The following OPRD1 variants were observed in gnomAD, a reference collection of about 807,000 sequenced individuals.
OPRD1 encodes opioid receptor delta 1, also known as delta-type opioid receptor.
A neutral mutation model predicts 17.5 loss-of-function variants in OPRD1; 19 were observed. The ratio of observed to expected loss-of-function variants is 1.09; its 90% CI spans 0.76 to 1.60. The LOEUF (loss-of-function observed/expected upper bound fraction) is 1.60. OPRD1 is among the 40% of genes most tolerant of loss of function. OPRD1 has a pLI of 0.00. For missense variants in OPRD1, 483 were observed against 547.2 expected, an observed-to-expected ratio of 0.88 and a Z score of 1.17; for synonymous variants, 256 against 240.9, an observed-to-expected ratio of 1.06 and a Z score of -0.58.
intron 1 of OPRD1, among the ~76,000 whole-genome samples, chr1:28,826,061 G>A (rs2088766931): frequency 6.6e-6 from 1 of 152,204 alleles, no homozygotes. Context: ...ATAAGGCTAA[G>A]GCTATAGGCA....
Position 28,821,390 on chromosome 1 carries a change from G to A in OPRD1, c.227+8780G>A, listed in dbSNP as rs192492281. Among the ~76,000 whole-genome samples, 1,396 of 152,254 alleles carry A rather than the reference G, an allele frequency of 9.2e-3. 14 individuals carry two copies. Among genetic ancestry groups the A allele is most frequent in the African/African-American group, 0.029 (1,222 of 41,548 alleles). On this transcript the variant is annotated intron_variant, in intron 1 of 2. Coordinates refer to ENST00000234961, the MANE Select transcript of OPRD1 (RefSeq NM_000911.4). Reference sequence around the variant, plus strand: ...CCCAAAGTTCTGGGATTACAGGCATGAGCCACCGTGCCCAGCTTATTTTTA... The same window carrying A: ...CCCAAAGTTCTGGGATTACAGGCATAAGCCACCGTGCCCAGCTTATTTTTA...
intron 1 of OPRD1, among the ~76,000 whole-genome samples, chr1:28,849,843 G>A (rs903791568): frequency 2.0e-5 from 3 of 151,368 alleles, no homozygotes; most frequent in Non-Finnish European, 4.4e-5. Context: ...GAAGAAGAAA[G>A]GGCACTGGAA....
intron 1 of OPRD1, among the ~76,000 whole-genome samples, chr1:28,826,514 T>C (rs1469175237): frequency 1.3e-5 from 2 of 151,220 alleles, no homozygotes; most frequent in African/African-American, 4.9e-5. Context: ...AGACCCTGTC[T>C]CAAAAAAAAA....
intron 1 of OPRD1, among the ~76,000 whole-genome samples, chr1:28,835,035 G>A (rs1158256455): frequency 6.6e-6 from 1 of 152,204 alleles, no homozygotes; most frequent in Non-Finnish European, 1.5e-5. Flanking sequence ...GTGGGGTAGA[G>A]GGAGTATATC....
intron 1 of OPRD1, among the ~76,000 whole-genome samples, chr1:28,857,259 G>A (rs766853266): frequency 2.0e-5 from 3 of 152,068 alleles, no homozygotes; most frequent in Non-Finnish European, 4.4e-5. Context: ...ATCCTAAGAG[G>A]TTGCTACAAA....
At chr1:28,837,422 G>A (rs1266119275) in intron 1 of OPRD1, among the ~76,000 whole-genome samples, 1 of 152,128 alleles carries the variant, frequency 6.6e-6, no homozygotes, top group Non-Finnish European at 1.5e-5. Context: ...GGCCAAGGCA[G>A]GCAGATCACG....
chr1:28,822,866 A>AG (rs2088727994), intron 1 of OPRD1, among the ~76,000 whole-genome samples: 1 of 152,158 alleles, frequency 6.6e-6, no homozygotes, highest in Non-Finnish European at 1.5e-5. Flanking sequence ...TTTGAGAGGC[A>AG]GGGGGCTGTG....
chr1:28,866,468 C>T lies in OPRD1; in HGVS notation c.*3185C>T, dbSNP rs921606145. 3.9e-5 allele frequency: 6 copies of T among 152,212 alleles called. No individual in the cohort carries two copies. Among genetic ancestry groups the T allele is most frequent in the Admixed American group, 6.6e-5 (1 of 15,266 alleles). The allele number at this position is 152,212 out of a possible 1,614,324, so 9.4% of individuals were successfully genotyped here. A position where few individuals can be genotyped will look rare whatever the true frequency, so the allele number is the denominator to read the frequency against. On this transcript the variant is annotated 3_prime_UTR_variant, in exon 3 of 3. Transcript: ENST00000234961. ...CTCTTCTGTGTGCCAGGCTCTCTGC[C>T]AGGTGTCTTGTGTGCATCAGCCCAC...
intron 1 of OPRD1, among the ~76,000 whole-genome samples, chr1:28,846,185 T>A (rs2088941062): frequency 6.6e-6 from 1 of 152,218 alleles, no homozygotes; most frequent in Admixed American, 6.5e-5. Context: ...TACATGCTGT[T>A]CCTTCTCTTT....
chr1:28,849,996 C>T (rs945085425), intron 1 of OPRD1, among the ~76,000 whole-genome samples: 2 of 151,296 alleles, frequency 1.3e-5, no homozygotes, highest in Admixed American at 1.3e-4. Flanking sequence ...TCTCCTGCCT[C>T]AGCCTCCAGA....
chr1:28,859,395 G>A, intron 2 of OPRD1, 92 bp downstream of exon 2: 1 of 1,104,692 alleles, frequency 9.1e-7, no homozygotes, highest in South Asian at 1.5e-5. Flanking sequence ...ACCAGGGTGA[G>A]TGTAGGTGGC....
In OPRD1 at chr1:28,812,467, C is replaced by T; in HGVS notation, c.84C>T (p.Pro28=). 2.0e-6 allele frequency: 3 copies of T among 1,529,906 alleles called. No individual in the cohort carries two copies. The highest frequency in any genetic ancestry group is 1.9e-4 in the Middle Eastern group (1 of 5,300). The allele number at this position is 1,529,906 out of a possible 1,614,324, so 94.8% of individuals were successfully genotyped here. The change falls in exon 1 of 3, where the codon CCC becomes CCT. Residue 28 remains proline (P), a synonymous_variant. Transcript: ENST00000234961. ...NASDAYPSAC[P]SAGANASGPP... Reference sequence around the variant, plus strand: ...CGGACGCCTACCCTAGCGCCTGCCCCAGCGCTGGCGCCAATGCGTCGGGGC... The same window carrying T: ...CGGACGCCTACCCTAGCGCCTGCCCTAGCGCTGGCGCCAATGCGTCGGGGC...
At chr1:28,832,636 T>A (rs953335200) in intron 1 of OPRD1, among the ~76,000 whole-genome samples, 5 of 151,408 alleles carry the variant, frequency 3.3e-5, no homozygotes, top group African/African-American at 4.9e-5. Context: ...AAAAGTAACA[T>A]ACAGCATGGC....
intron 1 of OPRD1, among the ~76,000 whole-genome samples, chr1:28,854,210 A>C (rs1328890423): frequency 6.6e-6 from 1 of 151,896 alleles, no homozygotes; most frequent in African/African-American, 2.4e-5. Flanking sequence ...AGGCTACCCA[A>C]ATGGAAAGCC....
chr1:28,812,727 G>C lies in OPRD1; in HGVS notation c.227+117G>C. On this transcript the variant is annotated intron_variant, in intron 1 of 2. Coordinates refer to ENST00000234961, the MANE Select transcript of OPRD1 (RefSeq NM_000911.4). ...CCCCGCGCCTCCGCATTTCCTGCAG[G>C]GGCACCTGGGGCCCAGCGAGAGGCG... 4.4e-6 allele frequency: 4 copies of C among 903,294 alleles called. No individual in the cohort carries two copies. In the South Asian group the frequency reaches 8.6e-5, roughly 19 times the overall value. 56.0% of individuals were successfully genotyped at this position (903,294 alleles called of 1,614,324 possible). A position where few individuals can be genotyped will look rare whatever the true frequency, so the allele number is the denominator to read the frequency against.
At chr1:28,835,200 G>C (rs998114640) in intron 1 of OPRD1, among the ~76,000 whole-genome samples, 17 of 152,128 alleles carry the variant, frequency 1.1e-4, no homozygotes, top group Admixed American at 1.3e-4. Flanking sequence ...CATTGTGCCT[G>C]CTGCCCCATC....
intron 1 of OPRD1, among the ~76,000 whole-genome samples, chr1:28,817,397 A>G (rs1033681155): frequency 6.6e-6 from 1 of 152,124 alleles, no homozygotes; most frequent in African/African-American, 2.4e-5. Context: ...GGGCTGTGGC[A>G]GGGTCGGGAT....
At chr1:28,824,696 T>G (rs934506149) in intron 1 of OPRD1, among the ~76,000 whole-genome samples, 4 of 152,134 alleles carry the variant, frequency 2.6e-5, no homozygotes, top group African/African-American at 9.7e-5. Flanking sequence ...CATTTAATTT[T>G]TGCAGACCTC....
In OPRD1 at chr1:28,870,064, C is replaced by G. The variant is rs1373069777; in HGVS notation, c.*6781C>G. 6.6e-6 allele frequency: 1 copy of G among 152,092 alleles called. No individual in the cohort carries two copies. The highest frequency in any genetic ancestry group is 2.4e-5 in the African/African-American group (1 of 41,418). 9.4% of individuals were successfully genotyped at this position (152,092 alleles called of 1,614,324 possible). A position where few individuals can be genotyped will look rare whatever the true frequency, so the allele number is the denominator to read the frequency against. On this transcript the variant is annotated 3_prime_UTR_variant, in exon 3 of 3. Coordinates refer to ENST00000234961, the MANE Select transcript of OPRD1 (RefSeq NM_000911.4). ...CAGAAAGAGGCTATGAGTGAAGGAC[C>G]TTGTCTGTTTTGGTCATGAAAGTGT...
Sources: allele counts gnomAD v4.1 joint callset (sites outside exome capture counted in the v4.1 genomes callset), GRCh38; gene constraint gnomAD v4.1.1; transcripts MANE v1.5; gene names NCBI Gene and HGNC (gene_info 2026-07-23, HGNC 2026-07-21).